The following ATAD3C variants were observed in gnomAD, a reference collection of about 807,000 sequenced individuals.
ATAD3C encodes the protein ATPase family AAA domain-containing protein 3C.
ATAD3C carries 38 observed loss-of-function variants against 46.3 expected under a neutral mutation model. The observed-to-expected ratio is 0.82, with a 90% CI of 0.63 to 1.08. The LOEUF is 1.08. Ranked by LOEUF, ATAD3C falls within the 50% of genes least tolerant of loss-of-function variation. ATAD3C has a pLI of 0.00. For missense variants in ATAD3C, 563 were observed against 572.7 expected, an observed-to-expected ratio of 0.98 and a Z score of 0.17; for synonymous variants, 220 against 236.4, an observed-to-expected ratio of 0.93 and a Z score of 0.63.
chr1:1,468,604 T>C lies in ATAD3C; in HGVS notation c.*74T>C, dbSNP rs1166638998. The C allele has an allele frequency of 1.1e-5, 18 of 1,585,636 alleles. No homozygotes were observed. The highest frequency in any genetic ancestry group is 3.5e-4 in the Middle Eastern group (2 of 5,652). ...ACCCCTGCCTTTGCGGCCCCGCACA[T>C]TTAGGAAATACTCCCCGTAATAAAG... On this transcript the variant is annotated 3_prime_UTR_variant, in exon 12 of 12. Coordinates refer to ENST00000378785, the MANE Select transcript of ATAD3C (RefSeq NM_001039211.3).
At chr1:1,452,692 C>CAGG (rs1287466784) in intron 3 of ATAD3C, among the ~76,000 whole-genome samples, 1 of 151,444 alleles carries the variant, frequency 6.6e-6, no homozygotes, top group Non-Finnish European at 1.5e-5. Flanking sequence ...CCCAGCTACT[C>CAGG]AGGAGGCAGA....
At chr1:1,455,540 C>G (rs1458100553) in intron 5 of ATAD3C, 21 bp downstream of exon 5, 2 of 1,612,170 alleles carry the variant, frequency 1.2e-6, no homozygotes, top group African/African-American at 1.3e-5. Flanking sequence ...GTGCCTGGGA[C>G]CGGGGAGGCG....
rs545105527 is a variant in ATAD3C, at chr1:1,468,696, C to A, written c.*166C>A. The A allele has an allele frequency of 6.4e-5, 81 of 1,258,448 alleles. 1 individual carries two copies. The African/African-American group carries it at 1.1e-3, about 17-fold the overall frequency. The allele number at this position is 1,258,448 out of a possible 1,614,324, so 78.0% of individuals were successfully genotyped here. A position where few individuals can be genotyped will look rare whatever the true frequency, so the allele number is the denominator to read the frequency against. On this transcript the variant is annotated 3_prime_UTR_variant, in exon 12 of 12. Coordinates refer to ENST00000378785, the MANE Select transcript of ATAD3C (RefSeq NM_001039211.3). ...GGCGGGGTTTGGGGCCCCCTAACGT[C>A]CCCCTGGGGTCAAAGGTGACAGAAA...
rs186230490 is a variant in ATAD3C at position 1,459,708 on chromosome 1, C to T, written c.812+477C>T. Among the ~76,000 whole-genome samples the T allele has an allele frequency of 0.012, 1,842 of 152,014 alleles. 43 individuals are homozygous for T. The highest frequency in any genetic ancestry group is 0.042 in the African/African-American group (1,741 of 41,428). ...CCCGCCCGGATGCTGGCCAAGGGTG[C>T]ACCCTCCAGGCTTGGGGCCCACCCG... is the stretch of plus-strand genomic sequence containing the variant. On this transcript the variant is annotated intron_variant, in intron 9 of 11. Coordinates refer to ENST00000378785, the MANE Select transcript of ATAD3C (RefSeq NM_001039211.3). The surrounding 1 kb of genome is among the most constrained non-coding windows in gnomAD (Gnocchi z 4.9).
At chr1:1,455,610 C>T in intron 5 of ATAD3C, 91 bp downstream of exon 5, 2 of 1,594,588 alleles carry the variant, frequency 1.3e-6, no homozygotes, top group Non-Finnish European at 1.7e-6. Flanking sequence ...CCTGGTGGCG[C>T]CCAGGATCTT....
chr1:1,461,369 G>A (rs1204747918), intron 10 of ATAD3C, among the ~76,000 whole-genome samples: 1 of 151,440 alleles, frequency 6.6e-6, no homozygotes, highest in Non-Finnish European at 1.5e-5. Flanking sequence ...CGTATTTTTT[G>A]TGGAGATGCG....
At chr1:1,460,728 C>T in intron 9 of ATAD3C, 22 bp from the exon 10 acceptor site, 1 of 1,586,410 alleles carries the variant, frequency 6.3e-7, no homozygotes, top group Non-Finnish European at 8.6e-7. Context: ...CCAGCGTTTC[C>T]TTCCCCATCC....
rs1275440973 is a variant in ATAD3C at position 1,452,431 on chromosome 1, C to T, written c.219C>T (p.Ala73=). 3.1e-6 allele frequency: 5 copies of T among 1,613,694 alleles called. No homozygotes were observed. The highest frequency in any genetic ancestry group is 4.2e-6 in the Non-Finnish European group (5 of 1,179,746). Residue 73 remains alanine (A), a synonymous_variant, in exon 3 of 12, where the codon GCC becomes GCT. Coordinates refer to ENST00000378785, the MANE Select transcript of ATAD3C (RefSeq NM_001039211.3). ...TGACAGACCGGGACAAAGTGACAGC[C>T]ACGGTAAACATACTCATAAAACAGG... ...AFVTDRDKVT[A]TVAGLTLLAV... is the part of the protein sequence containing the mutation.
intron 5 of ATAD3C, 103 bp downstream of exon 5, chr1:1,455,622 T>A: frequency 6.3e-7 from 1 of 1,584,054 alleles, no homozygotes; most frequent in Admixed American, 1.8e-5. Flanking sequence ...CAGGATCTTT[T>A]GGGTCCTGAG....
intron 1 of ATAD3C, among the ~76,000 whole-genome samples, chr1:1,451,473 A>G (rs191791737): frequency 1.2e-4 from 19 of 152,030 alleles, no homozygotes; most frequent in African/African-American, 4.1e-4. Flanking sequence ...CAGCCTCCCA[A>G]GTCGCTGGGA....
At chr1:1,465,206 T>G (rs1639126683) in intron 11 of ATAD3C, among the ~76,000 whole-genome samples, 1 of 151,802 alleles carries the variant, frequency 6.6e-6, no homozygotes, top group African/African-American at 2.4e-5. Context: ...ACTGTGCAAG[T>G]CTTTCACCTT....
At chr1:1,455,957 G>C in intron 6 of ATAD3C, 41 bp downstream of exon 6, 2 of 1,610,608 alleles carry the variant, frequency 1.2e-6, no homozygotes, top group Non-Finnish European at 1.7e-6. Flanking sequence ...GGGGCCGCTG[G>C]GGTCTCACCT....
chr1:1,457,609 AAAAAAC>A (rs1570150365), intron 8 of ATAD3C, among the ~76,000 whole-genome samples: 3 of 150,466 alleles, frequency 2.0e-5, no homozygotes, highest in African/African-American at 7.4e-5. Context: ...AAAAAAAAAA[AAAAAAC>A]AAAAAAAACA....
rs751357127 is a variant in ATAD3C at position 1,460,751 on chromosome 1, T to C, written c.814T>C (p.Phe272Leu). 6.2e-7 allele frequency: 1 copy of C among 1,604,090 alleles called. No homozygotes were observed. The highest frequency in any genetic ancestry group is 2.2e-5 in the East Asian group (1 of 44,588). The stretch of plus-strand genomic sequence containing the variant: ...TCCTTCCCCATCCCCGCCCCGCAGA[T>C]TCATGCTGATCCTGGCCAGCTGCCA... The part of the protein sequence containing the change: ...LYRTGQHSNK[F>L]MLILASCHPE... Residue 272 changes from phenylalanine to leucine, a missense_variant and splice_region_variant, in exon 10 of 12, where the codon TTC becomes CTC. Transcript: ENST00000378785.
In ATAD3C at chr1:1,464,428, G is replaced by A. The variant is rs530832839; in HGVS notation, c.1089+1720G>A. ...ACACTCATCCTGCACTGCTCACAGC[G>A]GTGGTGGTGAGCCAACACGCCCAGC... On this transcript the variant is annotated intron_variant, in intron 11 of 11. Transcript: ENST00000378785. Among the ~76,000 whole-genome samples, 5 of 151,244 alleles carry A rather than the reference G, an allele frequency of 3.3e-5. No individual in the cohort carries two copies. The East Asian group carries it at 5.8e-4, about 18-fold the overall frequency.
chr1:1,468,152 G>A (rs1023144891), intron 11 of ATAD3C, among the ~76,000 whole-genome samples: 4 of 152,130 alleles, frequency 2.6e-5, no homozygotes, highest in African/African-American at 7.2e-5. Context: ...CTATTAGAAA[G>A]TCATTGAGCA....
intron 5 of ATAD3C, 96 bp downstream of exon 5, chr1:1,455,615 G>T (rs983181361): frequency 4.7e-5 from 75 of 1,591,072 alleles, no homozygotes; most frequent in South Asian, 1.7e-4. Context: ...TGGCGCCCAG[G>T]ATCTTTTGGG....
chr1:1,467,505 C>T (rs1282748010), intron 11 of ATAD3C, among the ~76,000 whole-genome samples: 7 of 152,082 alleles, frequency 4.6e-5, no homozygotes, highest in East Asian at 1.9e-4. Flanking sequence ...ACGGGCACCA[C>T]GTGGTCATCC....
rs1483426705 is a variant in ATAD3C at position 1,455,471 on chromosome 1, G to C, written c.390G>C (p.Arg130=). 3 of 1,612,540 alleles carry C rather than the reference G, an allele frequency of 1.9e-6. No individual in the cohort carries two copies. The South Asian group carries it at 3.3e-5, about 18-fold the overall frequency. The stretch of plus-strand genomic sequence containing the variant: ...CCCTTCCCCTCCAGCAGGTCAGCCG[G>C]CGGCTCCTCAGTCGACCCCAGGACG... ...ALRHPIQQVS[R]RLLSRPQDVL... Residue 130 remains arginine, a synonymous_variant, in exon 5 of 12, where the codon CGG becomes CGC. Coordinates refer to ENST00000378785, the MANE Select transcript of ATAD3C (RefSeq NM_001039211.3).
Sources: gnomAD v4.1 joint callset for allele counts (sites outside exome capture counted in the v4.1 genomes callset) on GRCh38, gnomAD v4.1.1 for gene constraint, Gnocchi (gnomAD v3.1) non-coding constraint, MANE v1.5 for transcripts, NCBI Gene and HGNC (gene_info 2026-07-23, HGNC 2026-07-21) for gene names.